The following MRPL1 variants were observed in gnomAD, a reference collection of about 807,000 sequenced individuals.
MRPL1 encodes the protein large ribosomal subunit protein uL1m.
In MRPL1, 28 loss-of-function variants were observed where a neutral mutation model predicts 38.0. The observed-to-expected ratio is 0.74, with a 90% CI of 0.55 to 1.01. The LOEUF (loss-of-function observed/expected upper bound fraction) is 1.01. Among genes scored for constraint, MRPL1 ranks in the 50% least tolerant of loss-of-function variants. MRPL1 has a pLI of 0.00. For synonymous variants in MRPL1, 123 were observed against 126.7 expected (o/e 0.97, Z 0.20); for missense variants, 358 against 389.8 (o/e 0.92, Z 0.69).
intron 6 of MRPL1, among the ~76,000 whole-genome samples, chr4:77,894,495 A>G (rs1043129788): frequency 2.0e-5 from 3 of 152,146 alleles, no homozygotes; most frequent in African/African-American, 4.8e-5. Context: ...ATCAAAGTCT[A>G]GCTCCCAATT....
At chr4:77,863,482 T>TTTTTTTTTTA in intron 1 of MRPL1, among the ~76,000 whole-genome samples, 1 of 148,728 alleles carries the variant, frequency 6.7e-6, no homozygotes, top group Non-Finnish European at 1.5e-5. Context: ...TTTTTTTTTT[T>TTTTTTTTTTA]GAGACGGCAG....
intron 4 of MRPL1, among the ~76,000 whole-genome samples, 155 bp downstream of exon 4, chr4:77,885,494 G>A (rs986827560): frequency 6.6e-6 from 1 of 152,126 alleles, no homozygotes; most frequent in Non-Finnish European, 1.5e-5. Context: ...AGCCTCCCAA[G>A]TAGCTGGGAC....
chr4:77,952,548 A>T lies in MRPL1; in HGVS notation c.919A>T (p.Ile307Phe). ...AACAAGTGAAGGTTTATTACTGAAG[A>T]TTGATCCATTGTTGCCTAAAGAAGT... ...SSTSEGLLLK[I>F]DPLLPKEVKN... Residue 307 changes from isoleucine to phenylalanine, a missense_variant, in exon 9 of 9, where the codon ATT becomes TTT. Ile to Phe is a conservative substitution (Grantham distance 21). Transcript: ENST00000315567. 1 of 1,613,600 alleles carries T rather than the reference A, an allele frequency of 6.2e-7. No individual in the cohort carries two copies. The highest frequency in any genetic ancestry group is 8.5e-7 in the Non-Finnish European group (1 of 1,179,794).
intron 6 of MRPL1, among the ~76,000 whole-genome samples, chr4:77,898,651 C>T (rs1735970437): frequency 6.6e-6 from 1 of 151,856 alleles, no homozygotes; most frequent in African/African-American, 2.4e-5. Flanking sequence ...CCACCATGCC[C>T]AGGTAATTTT....
intron 6 of MRPL1, among the ~76,000 whole-genome samples, chr4:77,905,031 A>T (rs1342164592): frequency 6.6e-6 from 1 of 152,216 alleles, no homozygotes; most frequent in East Asian, 1.9e-4. Flanking sequence ...CTCATGGGTG[A>T]ATACCCCTAA....
At chr4:77,906,319 G>A (rs1429425090) in intron 6 of MRPL1, among the ~76,000 whole-genome samples, 3 of 151,952 alleles carry the variant, frequency 2.0e-5, no homozygotes, top group African/African-American at 7.3e-5. Context: ...GAAGGTTACT[G>A]AAGTAGGTAT....
intron 1 of MRPL1, 68 bp downstream of exon 1, chr4:77,862,947 A>G (rs1470456783): frequency 1.9e-6 from 3 of 1,586,390 alleles, no homozygotes; most frequent in Non-Finnish European, 2.6e-6. Flanking sequence ...AGCAGAGTGC[A>G]AGGCGGATTC....
At chr4:77,933,612 A>G (rs2110260849) in intron 7 of MRPL1, among the ~76,000 whole-genome samples, 1 of 152,332 alleles carries the variant, frequency 6.6e-6, no homozygotes, top group South Asian at 2.1e-4. Flanking sequence ...CTGGAAAAAA[A>G]TGAAGAGAGC....
chr4:77,885,738 T>C (rs1735663751), intron 4 of MRPL1, among the ~76,000 whole-genome samples: 1 of 152,196 alleles, frequency 6.6e-6, no homozygotes, highest in African/African-American at 2.4e-5. Flanking sequence ...CCTGAATAAA[T>C]GGAGTTAGAG....
At chr4:77,942,166 A>G (rs886869236) in intron 7 of MRPL1, among the ~76,000 whole-genome samples, 2 of 151,920 alleles carry the variant, frequency 1.3e-5, no homozygotes, top group African/African-American at 4.8e-5. Context: ...TTTAATTTCT[A>G]CGGTTTTGAG....
chr4:77,933,292 G>A (rs775915511), intron 7 of MRPL1, among the ~76,000 whole-genome samples: 7 of 152,078 alleles, frequency 4.6e-5, no homozygotes, highest in Non-Finnish European at 7.4e-5. Context: ...AGAGGGTGGG[G>A]CATACCACCC....
At chr4:77,890,446 C>G (rs1375595366) in intron 5 of MRPL1, among the ~76,000 whole-genome samples, 2 of 152,262 alleles carry the variant, frequency 1.3e-5, no homozygotes, top group Non-Finnish European at 1.5e-5. Flanking sequence ...GCCCTTCATG[C>G]TAAAAACTCT....
intron 1 of MRPL1, among the ~76,000 whole-genome samples, chr4:77,866,750 T>C (rs73827445): frequency 0.028 from 4,031 of 141,846 alleles, 154 homozygotes; most frequent in African/African-American, 0.092. Flanking sequence ...ATCACCCCCC[T>C]TTTTTTTTTT....
intron 6 of MRPL1, among the ~76,000 whole-genome samples, chr4:77,897,780 T>C (rs1302607880): frequency 6.6e-6 from 1 of 152,210 alleles, no homozygotes; most frequent in Non-Finnish European, 1.5e-5. Flanking sequence ...ATTGGAACAA[T>C]CAGAAGTTTT....
At chr4:77,952,035 C>G (rs1192772055) in intron 8 of MRPL1, among the ~76,000 whole-genome samples, 1 of 152,164 alleles carries the variant, frequency 6.6e-6, no homozygotes, top group East Asian at 1.9e-4. Flanking sequence ...TGAAAGCACT[C>G]AGTGAGGCAA....
At chr4:77,920,093 G>A (rs1021509470) in intron 7 of MRPL1, among the ~76,000 whole-genome samples, 2 of 152,106 alleles carry the variant, frequency 1.3e-5, no homozygotes, top group African/African-American at 4.8e-5. Flanking sequence ...CTATGAAAGT[G>A]ACTTAGTTTT....
At chr4:77,888,147 C>G (rs575219969) in intron 5 of MRPL1, among the ~76,000 whole-genome samples, 91 of 152,212 alleles carry the variant, frequency 6.0e-4, no homozygotes, top group Middle Eastern at 6.8e-3. Flanking sequence ...AGCTTCTAAT[C>G]CTTTCAGAAT....
chr4:77,912,491 A>T (rs1002855996), intron 7 of MRPL1, among the ~76,000 whole-genome samples: 1 of 152,182 alleles, frequency 6.6e-6, no homozygotes, highest in African/African-American at 2.4e-5. Flanking sequence ...CTTAGGGGTA[A>T]ATCTGACAAA....
In MRPL1 at chr4:77,940,389, T is replaced by C. The variant is rs184499434; in HGVS notation, c.778-9408T>C. Among the ~76,000 whole-genome samples the C allele has an allele frequency of 5.7e-3, 863 of 152,340 alleles. 5 individuals are homozygous for C. Among genetic ancestry groups the C allele is most frequent in the Middle Eastern group, 0.014 (4 of 294 alleles). On this transcript the variant is annotated intron_variant, in intron 7 of 8. Transcript: ENST00000315567. ...AGCAGACCTACTGATTTGTTTACAT[T>C]AATGTTGTATCTTGAAACTTTGCTG...
Sources: allele counts gnomAD v4.1 joint callset (sites outside exome capture counted in the v4.1 genomes callset), GRCh38; gene constraint gnomAD v4.1.1; transcripts MANE v1.5; gene names NCBI Gene and HGNC (gene_info 2026-07-23, HGNC 2026-07-21).